The following INPP5D variants were observed in gnomAD, a reference collection of about 807,000 sequenced individuals.
INPP5D encodes the protein phosphatidylinositol 3,4,5-trisphosphate 5-phosphatase 1.
In INPP5D, 33 loss-of-function variants were observed where a neutral mutation model predicts 122.9. The observed-to-expected ratio is 0.27, with a 90% CI of 0.20 to 0.36. The LOEUF (loss-of-function observed/expected upper bound fraction) is 0.36. Ranked by LOEUF, INPP5D falls within the 10% of genes least tolerant of loss-of-function variation. The pLI is 1.00. For missense variants in INPP5D, 1,053 were observed against 1,412.7 expected, an observed-to-expected ratio of 0.75 and a Z score of 4.08; for synonymous variants, 584 against 576.2, an observed-to-expected ratio of 1.01 and a Z score of -0.19.
chr2:233,174,362 T>G (rs1168978029), intron 17 of INPP5D, among the ~76,000 whole-genome samples: 1 of 152,248 alleles, frequency 6.6e-6, no homozygotes, highest in Non-Finnish European at 1.5e-5. Flanking sequence ...CACTACGTGA[T>G]GGGGATTTTC....
At position 233,170,653 on chromosome 2, in the gene INPP5D, C is replaced by A. The variant is rs1204057236; in HGVS notation, c.1900+49C>A. 6.2e-7 allele frequency: 1 copy of A among 1,601,336 alleles called. No individual in the cohort carries two copies. Among genetic ancestry groups the A allele is most frequent in the Middle Eastern group, 2.0e-4 (1 of 5,088 alleles). On this transcript the variant is annotated intron_variant, in intron 16 of 26. Transcript: ENST00000445964. The surrounding 1 kb of genome is among the most constrained non-coding windows in gnomAD (Gnocchi z 4.5). ...GAGCGGTGGCTCACACCTGTAATCC[C>A]AGCACTTTAGGAGGCCGAGGCGGGC... is the stretch of plus-strand genomic sequence containing the variant.
intron 14 of INPP5D, 134 bp downstream of exon 14, chr2:233,169,535 C>T: frequency 1.2e-5 from 16 of 1,361,796 alleles, no homozygotes; most frequent in Non-Finnish European, 1.5e-5. Context: ...CTTTCAGGGC[C>T]CACCACAGTC....
At chr2:233,139,525 G>A (rs1693589935) in intron 5 of INPP5D, among the ~76,000 whole-genome samples, 1 of 150,266 alleles carries the variant, frequency 6.7e-6, no homozygotes. Flanking sequence ...ACAGAAGGTT[G>A]GGAACCATGG....
At chr2:233,101,455 T>G (rs1221286961) in intron 2 of INPP5D, among the ~76,000 whole-genome samples, 1 of 151,756 alleles carries the variant, frequency 6.6e-6, no homozygotes, top group African/African-American at 2.4e-5. Context: ...GACAGATTAA[T>G]AATCACTTCT....
In INPP5D at chr2:233,197,723, C is replaced by T. The variant is rs1206664203; in HGVS notation, c.2694-372C>T. Reference sequence around the variant, plus strand: ...TCACCCAATGCCCAGTTGGTCCCAACACTTCACTAGTCCCCATCTCTGCCC... The same window carrying T: ...TCACCCAATGCCCAGTTGGTCCCAATACTTCACTAGTCCCCATCTCTGCCC... On this transcript the variant is annotated intron_variant, in intron 24 of 26. Coordinates refer to ENST00000445964, the MANE Select transcript of INPP5D (RefSeq NM_001017915.3). This position sits in a 1 kb window ranked among gnomAD's most constrained non-coding sequence, Gnocchi z 4.4. Among the ~76,000 whole-genome samples, 1 of 152,228 alleles carries T rather than the reference C, an allele frequency of 6.6e-6. No individual in the cohort carries two copies. The highest frequency in any genetic ancestry group is 2.4e-5 in the African/African-American group (1 of 41,460).
intron 6 of INPP5D, among the ~76,000 whole-genome samples, chr2:233,143,311 T>G (rs1693668004): frequency 6.6e-6 from 1 of 152,022 alleles, no homozygotes; most frequent in Non-Finnish European, 1.5e-5. Flanking sequence ...TCTTGTTATA[T>G]CTCCCCTCCC....
At position 233,114,408 on chromosome 2, in the gene INPP5D, T is replaced by A. The variant is rs150818759; in HGVS notation, c.199-7699T>A. ...GAAGTACAGGAAAGCATTTCAGGGG[T>A]TGCAGAGCGGGGAGAGGCCAGGCCG... On this transcript the variant is annotated intron_variant, in intron 2 of 26. Transcript: ENST00000445964. Among the ~76,000 whole-genome samples, 183 of 152,218 alleles carry A rather than the reference T, an allele frequency of 1.2e-3. 1 individual carries two copies. Among genetic ancestry groups the A allele is most frequent in the African/African-American group, 3.9e-3 (164 of 41,546 alleles).
intron 18 of INPP5D, among the ~76,000 whole-genome samples, chr2:233,180,284 C>T (rs1222941412): frequency 6.6e-6 from 1 of 151,990 alleles, no homozygotes; most frequent in Admixed American, 6.6e-5. Flanking sequence ...TCTTACAGTC[C>T]ACCTCCTAGG....
At chr2:233,149,921 C>A (rs1224666535) in intron 9 of INPP5D, among the ~76,000 whole-genome samples, 1 of 152,162 alleles carries the variant, frequency 6.6e-6, no homozygotes, top group African/African-American at 2.4e-5. Context: ...ATTATTATTA[C>A]CCTTCCAGGG....
rs540186038 is a variant in INPP5D at position 233,188,724 on chromosome 2, G to A, written c.2359-1126G>A. Among the ~76,000 whole-genome samples, 4 of 152,190 alleles carry A rather than the reference G, an allele frequency of 2.6e-5. No individual in the cohort carries two copies. Among genetic ancestry groups the A allele is most frequent in the Non-Finnish European group, 4.4e-5 (3 of 68,012 alleles). On this transcript the variant is annotated intron_variant, in intron 21 of 26. Coordinates refer to ENST00000445964, the MANE Select transcript of INPP5D (RefSeq NM_001017915.3). The surrounding 1 kb of genome is among the most constrained non-coding windows in gnomAD (Gnocchi z 4.7). Reference sequence around the variant, plus strand: ...CGACAGGCACGCCCCATCAAGCCTCGCTAATTTCTGTATTTTTTAGTAGAG... The same window carrying A: ...CGACAGGCACGCCCCATCAAGCCTCACTAATTTCTGTATTTTTTAGTAGAG...
At chr2:233,152,267 T>C (rs1420993651) in intron 9 of INPP5D, among the ~76,000 whole-genome samples, 2 of 152,156 alleles carry the variant, frequency 1.3e-5, no homozygotes, top group East Asian at 3.9e-4. Context: ...CTGGAGGGAA[T>C]CTGTGGTTGC....
chr2:233,138,264 G>A (rs1226670049), intron 5 of INPP5D, among the ~76,000 whole-genome samples: 3 of 138,368 alleles, frequency 2.2e-5, no homozygotes, highest in African/African-American at 8.2e-5. Flanking sequence ...GCAGGATCAC[G>A]CCACTGCACT....
In INPP5D at chr2:233,177,233, C is replaced by A; in HGVS notation, c.1990-32C>A. 6.2e-7 allele frequency: 1 copy of A among 1,613,018 alleles called. No individual in the cohort carries two copies. Among genetic ancestry groups the A allele is most frequent in the Non-Finnish European group, 8.5e-7 (1 of 1,179,294 alleles). Reference sequence around the variant, plus strand: ...TGATTAAAAAAATAATAATAAGAGGCATTTTTTAAAGCCTATGACTTTGAT... The same window carrying A: ...TGATTAAAAAAATAATAATAAGAGGAATTTTTTAAAGCCTATGACTTTGAT... On this transcript the variant is annotated intron_variant, in intron 17 of 26. Transcript: ENST00000445964. This position sits in a 1 kb window ranked among gnomAD's most constrained non-coding sequence, Gnocchi z 4.2.
intron 26 of INPP5D, among the ~76,000 whole-genome samples, chr2:233,205,922 T>C (rs1394500494): frequency 5.3e-5 from 8 of 151,930 alleles, no homozygotes; most frequent in Admixed American, 5.2e-4. Flanking sequence ...CTATTAAAAA[T>C]ACAAAAATTA....
chr2:233,199,712 C>T (rs906070766), intron 25 of INPP5D, among the ~76,000 whole-genome samples: 1 of 151,538 alleles, frequency 6.6e-6, no homozygotes, highest in Admixed American at 6.6e-5. Context: ...ACCTGTAGTC[C>T]CAGCTACTCG....
intron 4 of INPP5D, among the ~76,000 whole-genome samples, chr2:233,127,340 G>A (rs1031473957): frequency 6.6e-6 from 1 of 152,236 alleles, no homozygotes; most frequent in East Asian, 1.9e-4. Flanking sequence ...GGAAAGCGGC[G>A]ACACAGAGCC....
intron 4 of INPP5D, among the ~76,000 whole-genome samples, chr2:233,129,076 GA>G (rs1693247218): frequency 6.6e-6 from 1 of 152,074 alleles, no homozygotes; most frequent in Non-Finnish European, 1.5e-5. Context: ...TGAGGCAGGA[GA>G]ATCACTTGAA....
chr2:233,093,231 G>T (rs1692036766), intron 2 of INPP5D, among the ~76,000 whole-genome samples: 1 of 152,160 alleles, frequency 6.6e-6, no homozygotes, highest in Non-Finnish European at 1.5e-5. Flanking sequence ...AGTAGTGAGG[G>T]TGAGGAAGTT....
intron 25 of INPP5D, among the ~76,000 whole-genome samples, chr2:233,202,080 G>A (rs1695355970): frequency 1.3e-5 from 2 of 150,448 alleles, no homozygotes. Context: ...TCTTTTCCCA[G>A]AGGAGTGAGC....
Sources: gnomAD v4.1 joint callset for allele counts (sites outside exome capture counted in the v4.1 genomes callset) on GRCh38, gnomAD v4.1.1 for gene constraint, Gnocchi (gnomAD v3.1) non-coding constraint, MANE v1.5 for transcripts, NCBI Gene and HGNC (gene_info 2026-07-23, HGNC 2026-07-21) for gene names.